Variants in SORBS2 observed in about 807,000 individuals in gnomAD.
SORBS2 encodes the protein sorbin and SH3 domain-containing protein 2.
A neutral mutation model predicts 97.7 loss-of-function variants in SORBS2; 46 were observed. The observed-to-expected ratio is 0.47, with a 90% CI of 0.37 to 0.60. SORBS2 has a LOEUF of 0.60. Ranked by LOEUF, SORBS2 falls within the 20% of genes least tolerant of loss-of-function variation. SORBS2 has a pLI of 0.00. For missense variants in SORBS2, 1,316 were observed against 1,282.3 expected (o/e 1.03, Z -0.40); for synonymous variants, 476 against 473.4 (o/e 1.01, Z -0.07).
At chr4:185,955,154 C>G (rs1294492839) in intron 1 of SORBS2, among the ~76,000 whole-genome samples, 1 of 152,136 alleles carries the variant, frequency 6.6e-6, no homozygotes, top group African/African-American at 2.4e-5. Context: ...GGCCATGTTT[C>G]TTAGAGATCA....
chr4:185,940,029 T>A (rs748420906), intron 1 of SORBS2, among the ~76,000 whole-genome samples: 1 of 152,214 alleles, frequency 6.6e-6, no homozygotes, highest in Non-Finnish European at 1.5e-5. Flanking sequence ...GCTTTTCTTC[T>A]AAGACGCCAC....
At chr4:185,923,984 A>AATGGAAGCAGC (rs1329308743) in intron 1 of SORBS2, among the ~76,000 whole-genome samples, 2 of 152,210 alleles carry the variant, frequency 1.3e-5, no homozygotes, top group Non-Finnish European at 2.9e-5. Flanking sequence ...ACTCCACTAG[A>AATGGAAGCAGC]ATGGAAGCAG....
chr4:185,896,526 G>C lies in SORBS2; in HGVS notation c.-338+59670C>G, dbSNP rs539125508. 1.4e-3 allele frequency among the ~76,000 whole-genome samples: 219 copies of C among 152,338 alleles called. 1 individual carries two copies. The highest frequency in any genetic ancestry group is 2.4e-3 in the Non-Finnish European group (163 of 68,030). ...CTGAATCCGGGAGGCAGAGGTTGCA[G>C]TGAGCCAAGATCGCGCCACTGCACT... On this transcript the variant is annotated intron_variant, in intron 1 of 20. Transcript: ENST00000284776.
At chr4:185,876,210 C>T (rs149962361) in intron 1 of SORBS2, among the ~76,000 whole-genome samples, 10 of 152,212 alleles carry the variant, frequency 6.6e-5, no homozygotes, top group African/African-American at 1.9e-4. Flanking sequence ...CAAGTTCAAG[C>T]GATTTTCCTG....
exon 1 of SORBS2, chr4:185,656,673 G>A: frequency 6.4e-7 from 1 of 1,550,592 alleles, no homozygotes; most frequent in Non-Finnish European, 8.7e-7. Context: ...GCTGGCACAA[G>A]CCTTCTCTTC....
chr4:185,806,544 T>G (rs12643812), intron 1 of SORBS2, among the ~76,000 whole-genome samples: 102,861 of 138,982 alleles, frequency 0.74, 38,485 homozygotes, highest in East Asian at 0.97. Flanking sequence ...TGCAAGCTCC[T>G]CCTCCCGGGT....
chr4:185,679,247 T>G (rs937315326), intron 2 of SORBS2, among the ~76,000 whole-genome samples: 1 of 152,186 alleles, frequency 6.6e-6, no homozygotes, highest in African/African-American at 2.4e-5. Flanking sequence ...GTTACAGAAC[T>G]GTATTCTGTA....
At chr4:185,601,794 A>C (rs2096267727) in intron 12 of SORBS2, among the ~76,000 whole-genome samples, 1 of 152,172 alleles carries the variant, frequency 6.6e-6, no homozygotes, top group Non-Finnish European at 1.5e-5. Flanking sequence ...TTTCATGTTG[A>C]AAACCGTGCG....
intron 1 of SORBS2, among the ~76,000 whole-genome samples, chr4:185,829,936 T>C (rs1374276842): frequency 6.6e-6 from 1 of 152,226 alleles, no homozygotes; most frequent in African/African-American, 2.4e-5. Flanking sequence ...ATGACTTTAC[T>C]GAATTAGGAG....
intron 1 of SORBS2, among the ~76,000 whole-genome samples, chr4:185,797,126 C>T (rs576173875): frequency 3.1e-4 from 47 of 152,344 alleles, no homozygotes; most frequent in Middle Eastern, 3.4e-3. Context: ...GCATCCCATG[C>T]GCCTCTAGCA....
chr4:185,781,285 A>G (rs1417040943), intron 1 of SORBS2, among the ~76,000 whole-genome samples: 1 of 152,228 alleles, frequency 6.6e-6, no homozygotes, highest in Admixed American at 6.5e-5. Context: ...GTATTTAAAG[A>G]GCACCTCTGC....
At chr4:185,643,140 C>A (rs2097154528) in intron 4 of SORBS2, among the ~76,000 whole-genome samples, 1 of 152,234 alleles carries the variant, frequency 6.6e-6, no homozygotes, top group Non-Finnish European at 1.5e-5. Context: ...GTGCCATGGG[C>A]ACACAGCAGG....
intron 4 of SORBS2, among the ~76,000 whole-genome samples, chr4:185,663,181 C>T (rs961259039): frequency 2.6e-5 from 4 of 152,116 alleles, no homozygotes; most frequent in South Asian, 2.1e-4. Flanking sequence ...TTAGTAAGAA[C>T]GTTTAGTTAA....
chr4:185,692,776 G>A (rs926116456), intron 2 of SORBS2, among the ~76,000 whole-genome samples: 24 of 147,030 alleles, frequency 1.6e-4, no homozygotes, highest in Admixed American at 9.7e-4. Context: ...TGTAATCCTC[G>A]TTTTGCTATA....
intron 2 of SORBS2, among the ~76,000 whole-genome samples, chr4:185,740,963 A>T (rs1583853274): frequency 1.3e-5 from 2 of 152,156 alleles, no homozygotes; most frequent in East Asian, 1.9e-4. Flanking sequence ...GCACCAACTC[A>T]GATCAGCACG....
At chr4:185,731,768 C>CTG (rs2098634617) in intron 2 of SORBS2, among the ~76,000 whole-genome samples, 2 of 117,514 alleles carry the variant, frequency 1.7e-5, no homozygotes, top group Non-Finnish European at 3.6e-5. Context: ...CCCTCCCTCC[C>CTG]CGCCTGTCTC....
chr4:185,738,676 A>G (rs2153582014), intron 2 of SORBS2, among the ~76,000 whole-genome samples: 1 of 152,320 alleles, frequency 6.6e-6, no homozygotes, highest in South Asian at 2.1e-4. Flanking sequence ...ACATATCTTT[A>G]TATAGAAAAA....
chr4:185,814,836 C>T (rs1277010673), intron 1 of SORBS2, among the ~76,000 whole-genome samples: 4 of 152,268 alleles, frequency 2.6e-5, no homozygotes, highest in African/African-American at 9.6e-5. Context: ...AGGCTCTTGG[C>T]TCCTTCGCCT....
chr4:185,716,791 C>T (rs960171433), intron 2 of SORBS2, among the ~76,000 whole-genome samples: 7 of 152,164 alleles, frequency 4.6e-5, no homozygotes, highest in Non-Finnish European at 1.5e-5. Flanking sequence ...CTCACCAGCA[C>T]ACCAGACTGC....
Sources: allele counts gnomAD v4.1 joint callset (sites outside exome capture counted in the v4.1 genomes callset), GRCh38; gene constraint gnomAD v4.1.1; transcripts MANE v1.5; gene names NCBI Gene and HGNC (gene_info 2026-07-23, HGNC 2026-07-21).